SERPINB3: variants seen among roughly 807,000 people sequenced by gnomAD.
The protein encoded by SERPINB3 is serpin family B member 3, also known as serpin B3.
A neutral mutation model predicts 33.0 loss-of-function variants in SERPINB3; 33 were observed. The ratio of observed to expected loss-of-function variants is 1.00; its 90% CI spans 0.76 to 1.34. The LOEUF is 1.34. Among genes scored for constraint, SERPINB3 ranks in the 40% most tolerant of loss-of-function variants. SERPINB3 has a pLI of 0.00. For missense variants in SERPINB3, 518 were observed against 461.5 expected (o/e 1.12, Z -1.12); for synonymous variants, 200 against 170.9 (o/e 1.17, Z -1.33).
Position 63,661,032 on chromosome 18 carries a change from A to C in SERPINB3, c.165+20T>G, listed in dbSNP as rs182802060. On this transcript the variant is annotated intron_variant, in intron 2 of 7. Coordinates refer to ENST00000283752, the MANE Select transcript of SERPINB3 (RefSeq NM_006919.3). ...CAGAGAAAAACTGCAACAGGACAACATAATGATGCTGATAGCTACCTTCTT... is the reference window on the plus strand; with the variant it reads ...CAGAGAAAAACTGCAACAGGACAACCTAATGATGCTGATAGCTACCTTCTT... 1 of 1,613,292 alleles carries C rather than the reference A, an allele frequency of 6.2e-7. No homozygotes were observed. The highest frequency in any genetic ancestry group is 1.7e-5 in the Admixed American group (1 of 59,922).
At chr18:63,661,028 C>A (rs1568172299) in intron 2 of SERPINB3, 24 bp downstream of exon 2, 7 of 1,613,164 alleles carry the variant, frequency 4.3e-6, no homozygotes, top group Non-Finnish European at 5.9e-6. Context: ...TGCAACAGGA[C>A]AACATAATGA....
intron 6 of SERPINB3, 82 bp downstream of exon 6, chr18:63,657,188 T>C: frequency 1.1e-6 from 1 of 927,228 alleles, no homozygotes; most frequent in South Asian, 2.5e-5. Context: ...CAATTTTATT[T>C]TTTACTTGTC....
Position 63,655,789 on chromosome 18 carries a change from G to A in SERPINB3, c.1041C>T (p.Thr347=), listed in dbSNP as rs374190073. ...TEEGAEAAAA[T]AVVGFGSSPT... ...GTGATGATCCGAATCCTACTACAGC[G>A]GTGGCAGCTGCAGCTTCTGCTCCCT... Residue 347 remains threonine, a synonymous_variant, in exon 8 of 8, where the codon ACC becomes ACT. Transcript: ENST00000283752. The A allele has an allele frequency of 8.1e-6, 13 of 1,612,462 alleles. No individual in the cohort carries two copies. The Admixed American group carries it at 8.3e-5, about 10-fold the overall frequency.
chr18:63,661,472 AAGTAAT>A (rs377113169), intron 1 of SERPINB3, among the ~76,000 whole-genome samples: 65 of 152,252 alleles, frequency 4.3e-4, no homozygotes, highest in African/African-American at 1.6e-3. Context: ...TACTGTAAAT[AAGTAAT>A]AGACCCTCTT....
chr18:63,660,103 A>C (rs1312990649), intron 3 of SERPINB3, among the ~76,000 whole-genome samples: 2 of 152,138 alleles, frequency 1.3e-5, no homozygotes, highest in Non-Finnish European at 2.9e-5. Context: ...TTCAGGTGAA[A>C]ACAAGAAAGC....
chr18:63,657,308 T>TA lies in SERPINB3; in HGVS notation c.573dup (p.Lys192Ter). ...AATTTTTCCTCTTTAGTATCTTCTT[T>TA]ATTAAATTTCTTCTCCCACTGCCCT... is the stretch of plus-strand genomic sequence containing the variant. On this transcript the variant is annotated frameshift_variant, in exon 6 of 8. Coordinates refer to ENST00000283752, the MANE Select transcript of SERPINB3 (RefSeq NM_006919.3). LOFTEE classifies it high-confidence loss of function. 4 of 1,605,566 alleles carry TA rather than the reference T, an allele frequency of 2.5e-6. No homozygotes were observed. The highest frequency in any genetic ancestry group is 3.4e-6 in the Non-Finnish European group (4 of 1,174,008).
chr18:63,656,209 G>A (rs1284916190), intron 7 of SERPINB3, 148 bp from the exon 8 acceptor site: 9 of 953,120 alleles, frequency 9.4e-6, no homozygotes, highest in African/African-American at 3.3e-5. Flanking sequence ...TATTCTAATA[G>A]GCAAAATATG....
At chr18:63,661,352 T>C in intron 1 of SERPINB3, 110 bp from the exon 2 acceptor site, 3 of 1,231,770 alleles carry the variant, frequency 2.4e-6, no homozygotes, top group East Asian at 2.4e-5. Flanking sequence ...TTTTGACATT[T>C]AAAGTTTTCC....
At position 63,656,911 on chromosome 18, in the gene SERPINB3, T is replaced by C; in HGVS notation, c.688A>G (p.Lys230Glu). 2 of 1,613,608 alleles carry C rather than the reference T, an allele frequency of 1.2e-6. No individual in the cohort carries two copies. Among genetic ancestry groups the C allele is most frequent in the Non-Finnish European group, 1.7e-6 (2 of 1,179,632 alleles). ...HFASLEDVQAKVLEIPYKGKD... is the reference protein window; with the variant it reads ...HFASLEDVQAEVLEIPYKGKD... Reference sequence around the variant, plus strand: ...CCTTTGTATGGTATTTCCAGGACCTTGGCCTGTACATCCTCCAGCGAGGCA... The same window carrying C: ...CCTTTGTATGGTATTTCCAGGACCTCGGCCTGTACATCCTCCAGCGAGGCA... The change falls in exon 7 of 8, where the codon AAG becomes GAG. Residue 230 changes from lysine to glutamate, a missense_variant. Lys to Glu is a moderately conservative substitution (Grantham distance 56). Transcript: ENST00000283752.
At chr18:63,657,681 A>T (rs1035240928) in intron 5 of SERPINB3, among the ~76,000 whole-genome samples, 3 of 152,010 alleles carry the variant, frequency 2.0e-5, no homozygotes, top group East Asian at 1.9e-4. Context: ...TGTATGAATG[A>T]GTCCATTCAT....
In SERPINB3 at chr18:63,655,983, G is replaced by T. The variant is rs138078893; in HGVS notation, c.847C>A (p.His283Asn). The change falls in exon 8 of 8, where the codon CAC (histidine) becomes AAC (asparagine). Residue 283 changes from histidine to asparagine, a missense_variant. By Grantham distance (68) the His-to-Asn change is moderately conservative (BLOSUM62 1). Transcript: ENST00000283752. The stretch of plus-strand genomic sequence containing the variant: ...TCTTCCACTTTGAACCGAGGTAAGT[G>T]TAAATCGACACGTGTCTCTCTCATA... Reference protein sequence around the residue: ...QNMRETRVDLHLPRFKVEESY... With the variant: ...QNMRETRVDLNLPRFKVEESY... The T allele has an allele frequency of 3.1e-6, 5 of 1,613,828 alleles. No individual in the cohort carries two copies. The African/African-American group carries it at 6.7e-5, about 22-fold the overall frequency.
chr18:63,659,888 A>G (rs1913597301), intron 3 of SERPINB3, among the ~76,000 whole-genome samples: 1 of 152,176 alleles, frequency 6.6e-6, no homozygotes, highest in Non-Finnish European at 1.5e-5. Flanking sequence ...ACAGTCATCA[A>G]GGATATGAGT....
chr18:63,655,647 C>G lies in SERPINB3; in HGVS notation c.*10G>C. On this transcript the variant is annotated 3_prime_UTR_variant, in exon 8 of 8. Transcript: ENST00000283752. ...AACATTTTCCAAATGGAGTGACAGA[C>G]TAATTGCATCTACGGGGATGAGAAT... The G allele has an allele frequency of 1.3e-6, 2 of 1,589,880 alleles. No individual in the cohort carries two copies. The highest frequency in any genetic ancestry group is 1.7e-6 in the Non-Finnish European group (2 of 1,165,256).
intron 4 of SERPINB3, 67 bp from the exon 5 acceptor site, chr18:63,658,697 A>T: frequency 8.0e-7 from 1 of 1,243,638 alleles, no homozygotes; most frequent in Non-Finnish European, 1.2e-6. Flanking sequence ...TACCAAATTT[A>T]GTTATTTATA....
At chr18:63,659,117 A>G (rs1913572841) in intron 4 of SERPINB3, among the ~76,000 whole-genome samples, 1 of 152,138 alleles carries the variant, frequency 6.6e-6, no homozygotes. Flanking sequence ...AGTCAGTGCC[A>G]GTTTATCGAT....
chr18:63,657,332 C>A lies in SERPINB3; in HGVS notation c.550G>T (p.Gly184Trp), dbSNP rs1408237649. The change falls in exon 6 of 8, where the codon GGG (glycine) becomes TGG (tryptophan). Residue 184 changes from glycine (G) to tryptophan (W), a missense_variant. Transcript: ENST00000283752. Reference protein sequence around the residue: ...LVLVNAIYFKGQWEKKFNKED... With the variant: ...LVLVNAIYFKWQWEKKFNKED... ...TTATTAAATTTCTTCTCCCACTGCC[C>A]TTTGAAATAGATTGCGTTCACAAGA... 6.2e-7 allele frequency: 1 copy of A among 1,610,260 alleles called. No homozygotes were observed. The highest frequency in any genetic ancestry group is 8.5e-7 in the Non-Finnish European group (1 of 1,177,512).
At position 63,661,074 on chromosome 18, in the gene SERPINB3, T is replaced by C; in HGVS notation, c.143A>G (p.Asn48Ser). 1.2e-6 allele frequency: 2 copies of C among 1,613,590 alleles called. No homozygotes were observed. The highest frequency in any genetic ancestry group is 1.1e-5 in the South Asian group (1 of 91,056). Residue 48 changes from asparagine to serine, a missense_variant, in exon 2 of 8, where the codon AAC becomes AGC. Coordinates refer to ENST00000283752, the MANE Select transcript of SERPINB3 (RefSeq NM_006919.3). The stretch of plus-strand genomic sequence containing the variant: ...TACCTTCTTAATCTGTTGTGCAGTG[T>C]TGTCTTTGGCTCCTAAGAGGACCAT... ...LGMVLLGAKD[N>S]TAQQIKKVLH...
chr18:63,657,690 A>G (rs1161595290), intron 5 of SERPINB3, among the ~76,000 whole-genome samples: 1 of 151,902 alleles, frequency 6.6e-6, no homozygotes, highest in East Asian at 1.9e-4. Flanking sequence ...GAGTCCATTC[A>G]TCTGATTTGG....
chr18:63,656,383 T>G (rs1913496356), intron 7 of SERPINB3, among the ~76,000 whole-genome samples: 1 of 152,188 alleles, frequency 6.6e-6, no homozygotes, highest in East Asian at 1.9e-4. Flanking sequence ...TATATCACTA[T>G]TTCTTGTGCC....
Sources: gnomAD v4.1 joint callset for allele counts (sites outside exome capture counted in the v4.1 genomes callset) on GRCh38, gnomAD v4.1.1 for gene constraint, MANE v1.5 for transcripts, NCBI Gene and HGNC (gene_info 2026-07-23, HGNC 2026-07-21) for gene names.